Variants in PLEKHA6 observed in about 807,000 individuals in gnomAD.
PLEKHA6 encodes pleckstrin homology domain-containing family A member 6.
A neutral mutation model predicts 116.7 loss-of-function variants in PLEKHA6; 60 were observed. That is an observed-to-expected ratio of 0.51 (90% CI 0.42 to 0.64). PLEKHA6 has a LOEUF of 0.64. Among genes scored for constraint, PLEKHA6 ranks in the 30% least tolerant of loss-of-function variants. The pLI, the probability that PLEKHA6 is intolerant of heterozygous loss-of-function variation, is 0.00. For missense variants in PLEKHA6, 1,338 were observed against 1,422.7 expected, an observed-to-expected ratio of 0.94 and a Z score of 0.96; for synonymous variants, 489 against 556.1, an observed-to-expected ratio of 0.88 and a Z score of 1.70.
chr1:204,298,160 C>T (rs1438042449), intron 1 of PLEKHA6, among the ~76,000 whole-genome samples: 1 of 152,234 alleles, frequency 6.6e-6, no homozygotes, highest in East Asian at 1.9e-4. Flanking sequence ...CCCATAGAGC[C>T]TGGCCCAAGC....
intron 18 of PLEKHA6, among the ~76,000 whole-genome samples, chr1:204,229,364 A>G (rs1214374074): frequency 6.6e-6 from 1 of 152,142 alleles, no homozygotes; most frequent in Non-Finnish European, 1.5e-5. Context: ...CTGTATTCTC[A>G]TTCTGTGCTA....
intron 1 of PLEKHA6, chr1:204,297,798 A>C: frequency 1.5e-6 from 1 of 668,066 alleles, no homozygotes; most frequent in Non-Finnish European, 1.9e-6. Context: ...ATTGCTAACT[A>C]TGAGCTGTTT....
chr1:204,291,900 T>G (rs1669801974), intron 1 of PLEKHA6, among the ~76,000 whole-genome samples: 1 of 152,148 alleles, frequency 6.6e-6, no homozygotes, highest in Admixed American at 6.5e-5. Flanking sequence ...TATATACAAT[T>G]TATCATATAC....
At position 204,359,237 on chromosome 1, in the gene PLEKHA6, G is replaced by A. The variant is rs541452217; in HGVS notation, c.-95+457C>T. On this transcript the variant is annotated intron_variant, in intron 1 of 22. Coordinates refer to ENST00000272203, the MANE Select transcript of PLEKHA6 (RefSeq NM_014935.5). ...GACTCATAAGAATGATACACACCCT[G>A]ACCCCTCCCCACGCTGAGGAAGGTG... Among the ~76,000 whole-genome samples, 9 of 151,970 alleles carry A rather than the reference G, an allele frequency of 5.9e-5. No homozygotes were observed. The South Asian group carries it at 1.7e-3, about 28-fold the overall frequency.
chr1:204,355,952 T>C lies in PLEKHA6; in HGVS notation c.-95+3742A>G, dbSNP rs1268683962. 2.0e-5 allele frequency among the ~76,000 whole-genome samples: 3 copies of C among 150,820 alleles called. No individual in the cohort carries two copies. The East Asian group carries it at 5.8e-4, about 29-fold the overall frequency. ...AATGAAAACCATGAAAAAGTTGTAA[T>C]ACTCAATGTTGATGCTCATGGCACA... On this transcript the variant is annotated intron_variant, in intron 1 of 22. Coordinates refer to ENST00000272203, the MANE Select transcript of PLEKHA6 (RefSeq NM_014935.5).
chr1:204,241,820 G>C lies in PLEKHA6; in HGVS notation c.2173-6C>G. 1 of 1,614,086 alleles carries C rather than the reference G, an allele frequency of 6.2e-7. No homozygotes were observed. Among genetic ancestry groups the C allele is most frequent in the Non-Finnish European group, 8.5e-7 (1 of 1,179,980 alleles). On this transcript the variant is annotated splice_polypyrimidine_tract_variant and splice_region_variant and intron_variant, in intron 15 of 22. Coordinates refer to ENST00000272203, the MANE Select transcript of PLEKHA6 (RefSeq NM_014935.5). ...TGTTCATAGTTTGCCTTGGGCTGGG[G>C]AGAAAGGGTGAGAAGATGGTTGATG...
At chr1:204,360,465 G>A (rs1485931158), upstream of PLEKHA6, among the ~76,000 whole-genome samples, 1 of 152,046 alleles carries the variant, frequency 6.6e-6, no homozygotes, top group African/African-American at 2.4e-5. Context: ...GATGAGTGGG[G>A]TGTGAGTGGG....
chr1:204,309,022 T>C (rs6691491), intron 1 of PLEKHA6: 160,845 of 927,840 alleles, frequency 0.17, 15,346 homozygotes, highest in East Asian at 0.58. Flanking sequence ...CTGTAGTATT[T>C]ACTGTTCCTC....
chr1:204,318,351 T>A (rs1011530856), intron 1 of PLEKHA6, among the ~76,000 whole-genome samples: 1 of 152,222 alleles, frequency 6.6e-6, no homozygotes, highest in East Asian at 1.9e-4. Context: ...TTACCCCTGC[T>A]GTACAAGTGA....
intron 12 of PLEKHA6, among the ~76,000 whole-genome samples, chr1:204,248,155 CTTTTTTTTT>C (rs34335278): frequency 1.0e-5 from 1 of 95,240 alleles, no homozygotes; most frequent in Admixed American, 1.4e-4. Flanking sequence ...GGGCAGCAGC[CTTTTTTTTT>C]TTTTTTTTTT....
In PLEKHA6 at chr1:204,259,156, CAGA is replaced by C; in HGVS notation, c.1007+99_1007+101del. The C allele has an allele frequency of 1.5e-6, 2 of 1,366,596 alleles. No homozygotes were observed. The highest frequency in any genetic ancestry group is 2.0e-6 in the Non-Finnish European group (2 of 1,010,848). 84.7% of individuals were successfully genotyped at this position (1,366,596 alleles called of 1,614,324 possible). ...TTGGTTTCCCAACTCAGCCTGCTTC[CAGA>C]AGGTTTCCAACAGGGGATGCCTCGT... On this transcript the variant is annotated intron_variant, in intron 8 of 22. Transcript: ENST00000272203. The surrounding 1 kb of genome is among the most constrained non-coding windows in gnomAD (Gnocchi z 4.6).
At chr1:204,364,716 T>G (rs1472721723), upstream of PLEKHA6, among the ~76,000 whole-genome samples, 1 of 152,198 alleles carries the variant, frequency 6.6e-6, no homozygotes, top group African/African-American at 2.4e-5. Context: ...CTGCCCTTGA[T>G]GAGTTTTCAG....
At chr1:204,360,283 G>A (rs933901974), upstream of PLEKHA6, among the ~76,000 whole-genome samples, 1 of 149,410 alleles carries the variant, frequency 6.7e-6, no homozygotes, top group East Asian at 1.9e-4. Context: ...CAGCCAGCCT[G>A]GTGATCACCT....
intron 1 of PLEKHA6, among the ~76,000 whole-genome samples, chr1:204,346,277 C>T (rs373310217): frequency 1.3e-5 from 2 of 152,034 alleles, no homozygotes; most frequent in African/African-American, 2.4e-5. Context: ...ACAGCCCCCT[C>T]GATTATACCT....
At chr1:204,358,928 C>A (rs1673491346) in intron 1 of PLEKHA6, among the ~76,000 whole-genome samples, 1 of 151,226 alleles carries the variant, frequency 6.6e-6, no homozygotes, top group Non-Finnish European at 1.5e-5. Context: ...CCTGTCTCGC[C>A]CCGCTTCCCT....
chr1:204,231,877 T>C (rs1040086884), intron 17 of PLEKHA6, among the ~76,000 whole-genome samples: 11 of 152,154 alleles, frequency 7.2e-5, no homozygotes, highest in African/African-American at 2.7e-4. Flanking sequence ...GTATTGCTTG[T>C]TATTATTTTA....
chr1:204,267,180 A>G (rs1367674077), intron 5 of PLEKHA6, among the ~76,000 whole-genome samples: 1 of 152,080 alleles, frequency 6.6e-6, no homozygotes, highest in Non-Finnish European at 1.5e-5. Flanking sequence ...CTCTCTCCCC[A>G]TTCCTCCAGG....
rs550492804 is a variant in PLEKHA6 at position 204,257,819 on chromosome 1, G to T, written c.1058C>A (p.Pro353His). ...ATCATCGGGGTACTGGGAGGAGTAGGGGCCATAGTACTCAGGGACCCTGCG... is the reference window on the plus strand; with the variant it reads ...ATCATCGGGGTACTGGGAGGAGTAGTGGCCATAGTACTCAGGGACCCTGCG... Reference protein sequence around the residue: ...VSRRVPEYYGPYSSQYPDDYQ... With the variant: ...VSRRVPEYYGHYSSQYPDDYQ... The change falls in exon 9 of 23, where the codon CCC becomes CAC. Residue 353 changes from proline (P) to histidine (H), a missense_variant. Physicochemically the swap from Pro to His is moderately conservative, Grantham distance 77 (BLOSUM62 -2). Coordinates refer to ENST00000272203, the MANE Select transcript of PLEKHA6 (RefSeq NM_014935.5). This position sits in a 1 kb window ranked among gnomAD's most constrained non-coding sequence, Gnocchi z 6.5. 6.2e-7 allele frequency: 1 copy of T among 1,613,964 alleles called. No homozygotes were observed. The highest frequency in any genetic ancestry group is 2.2e-5 in the East Asian group (1 of 44,884).
chr1:204,355,998 C>CAAAA (rs1235802734), intron 1 of PLEKHA6, among the ~76,000 whole-genome samples: 4 of 28,294 alleles, frequency 1.4e-4, no homozygotes, highest in African/African-American at 3.0e-4. Flanking sequence ...CACACACACA[C>CAAAA]ACAAAAAAAA....
Sources: allele counts gnomAD v4.1 joint callset (sites outside exome capture counted in the v4.1 genomes callset), GRCh38; gene constraint gnomAD v4.1.1; non-coding constraint Gnocchi (gnomAD v3.1); transcripts MANE v1.5; gene names NCBI Gene and HGNC (gene_info 2026-07-23, HGNC 2026-07-21).